Variants in CLEC2L observed in about 807,000 individuals in gnomAD.
CLEC2L encodes the protein C-type lectin domain family 2 member L.
A neutral mutation model predicts 23.6 loss-of-function variants in CLEC2L; 14 were observed. The observed-to-expected ratio is 0.59, with a 90% CI of 0.39 to 0.93. The LOEUF (loss-of-function observed/expected upper bound fraction) is 0.93. Among genes scored for constraint, CLEC2L ranks in the 40% least tolerant of loss-of-function variants. The pLI, the probability that CLEC2L is intolerant of heterozygous loss-of-function variation, is 0.00. For synonymous variants in CLEC2L, 114 were observed against 121.3 expected, an observed-to-expected ratio of 0.94 and a Z score of 0.40; for missense variants, 264 against 282.4, an observed-to-expected ratio of 0.93 and a Z score of 0.47.
intron 3 of CLEC2L, 143 bp from the exon 4 acceptor site, chr7:139,541,878 G>T: frequency 1.5e-6 from 1 of 652,790 alleles, no homozygotes; most frequent in Non-Finnish European, 2.7e-6. Context: ...CCTTACTTGC[G>T]GGATTCAGCG....
intron 1 of CLEC2L, among the ~76,000 whole-genome samples, chr7:139,531,909 CAAAAAA>C (rs11289572): frequency 7.6e-6 from 1 of 132,370 alleles, no homozygotes; most frequent in Non-Finnish European, 1.6e-5. Context: ...GACTCTGTCT[CAAAAAA>C]AAAAAGAAAA....
intron 3 of CLEC2L, among the ~76,000 whole-genome samples, 188 bp from the exon 4 acceptor site, chr7:139,541,833 G>T (rs1797739442): frequency 6.6e-6 from 1 of 152,212 alleles, no homozygotes; most frequent in South Asian, 2.1e-4. Flanking sequence ...GCCGAATTCT[G>T]GCAGCGTGAC....
At position 139,534,477 on chromosome 7, in the gene CLEC2L, C is replaced by A. The variant is rs548401953; in HGVS notation, c.191-1797C>A. The A allele has an allele frequency of 2.7e-5, 21 of 785,728 alleles. No homozygotes were observed. In the East Asian group the frequency reaches 4.6e-4, roughly 17 times the overall value. 48.7% of individuals were successfully genotyped at this position (785,728 alleles called of 1,614,324 possible). A position where few individuals can be genotyped will look rare whatever the true frequency, so the allele number is the denominator to read the frequency against. ...TTACCGAGCTGATACCCAGACATAC[C>A]AGCCTTATAAAAAAAGACTGGATTA... is the stretch of plus-strand genomic sequence containing the variant. On this transcript the variant is annotated intron_variant, in intron 1 of 4. Coordinates refer to ENST00000422142, the MANE Select transcript of CLEC2L (RefSeq NM_001080511.4).
intron 1 of CLEC2L, among the ~76,000 whole-genome samples, chr7:139,527,744 T>C (rs957606201): frequency 1.3e-5 from 2 of 152,198 alleles, no homozygotes; most frequent in African/African-American, 2.4e-5. Context: ...ATAGATTTTT[T>C]AGTGCTCACC....
chr7:139,536,443 A>C (rs1797658518), intron 2 of CLEC2L, 95 bp downstream of exon 2: 1 of 1,107,276 alleles, frequency 9.0e-7, no homozygotes, highest in Admixed American at 2.2e-5. Context: ...AGACATTCCA[A>C]GAATCCTGTG....
At chr7:139,525,108 C>T (rs879587096) in intron 1 of CLEC2L, among the ~76,000 whole-genome samples, 1 of 152,164 alleles carries the variant, frequency 6.6e-6, no homozygotes, top group Non-Finnish European at 1.5e-5. Flanking sequence ...AGAGACGGGC[C>T]TGAAGGACCC....
intron 2 of CLEC2L, among the ~76,000 whole-genome samples, chr7:139,536,556 G>A (rs1169790629): frequency 1.3e-5 from 2 of 152,152 alleles, no homozygotes; most frequent in Non-Finnish European, 2.9e-5. Context: ...ATCAAGCCAT[G>A]CAAGTAGAGT....
rs887157319 is a variant in CLEC2L, at chr7:139,540,200, C to G, written c.266-121C>G. 1 of 948,694 alleles carries G rather than the reference C, an allele frequency of 1.1e-6. No homozygotes were observed. The allele number at this position is 948,694 out of a possible 1,614,324, so 58.8% of individuals were successfully genotyped here. On this transcript the variant is annotated intron_variant, in intron 2 of 4. Transcript: ENST00000422142. This position sits in a 1 kb window ranked among gnomAD's most constrained non-coding sequence, Gnocchi z 5.8. ...TTTACCTCCAGGCACCAGGAGAGGACAGCCACATCTGCAGTGTCCCTGCAG... is the reference window on the plus strand; with the variant it reads ...TTTACCTCCAGGCACCAGGAGAGGAGAGCCACATCTGCAGTGTCCCTGCAG...
chr7:139,530,029 A>AG, intron 1 of CLEC2L, among the ~76,000 whole-genome samples: 1 of 151,744 alleles, frequency 6.6e-6, no homozygotes, highest in East Asian at 1.9e-4. Context: ...AAAAAAAAAA[A>AG]CAAAATTAGC....
intron 1 of CLEC2L, among the ~76,000 whole-genome samples, chr7:139,529,736 T>A (rs537286328): frequency 1.3e-5 from 2 of 152,202 alleles, no homozygotes; most frequent in Non-Finnish European, 2.9e-5. Context: ...ACTGAACACA[T>A]GCATTTTTTC....
At position 139,544,504 on chromosome 7, in the gene CLEC2L, C is replaced by T; in HGVS notation, c.*162C>T. ...TCTCCCAGGCCCTGGCGCTCTGAGT[C>T]CCTGGTTCCTGGCCTCCTTTGTCTG... On this transcript the variant is annotated 3_prime_UTR_variant, in exon 5 of 5. Coordinates refer to ENST00000422142, the MANE Select transcript of CLEC2L (RefSeq NM_001080511.4). 2 of 601,678 alleles carry T rather than the reference C, an allele frequency of 3.3e-6. No homozygotes were observed. Among genetic ancestry groups the T allele is most frequent in the East Asian group, 5.5e-5 (2 of 36,266 alleles). The allele number at this position is 601,678 out of a possible 1,614,324, so 37.3% of individuals were successfully genotyped here.
intron 1 of CLEC2L, among the ~76,000 whole-genome samples, chr7:139,533,879 A>G (rs757673304): frequency 6.6e-6 from 1 of 152,226 alleles, no homozygotes; most frequent in African/African-American, 2.4e-5. Flanking sequence ...GTTTACAGAC[A>G]AACATTGAGC....
chr7:139,528,520 G>T (rs979308806), intron 1 of CLEC2L, among the ~76,000 whole-genome samples: 18 of 152,170 alleles, frequency 1.2e-4, no homozygotes, highest in African/African-American at 4.1e-4. Flanking sequence ...CAGAGGAACT[G>T]CCCTTTATAA....
At chr7:139,534,541 C>G in intron 1 of CLEC2L, 1 of 764,200 alleles carries the variant, frequency 1.3e-6, no homozygotes. Context: ...GCAGGCTCAA[C>G]AGGCTGATAA....
chr7:139,542,485 G>A (rs1240133824), intron 4 of CLEC2L, among the ~76,000 whole-genome samples: 1 of 152,186 alleles, frequency 6.6e-6, no homozygotes, highest in African/African-American at 2.4e-5. Flanking sequence ...TGGGAGGGAG[G>A]GCCCTGGATG....
rs1797705486 is a variant in CLEC2L, at chr7:139,539,549, T to A, written c.266-772T>A. 6.6e-6 allele frequency: 1 copy of A among 152,224 alleles called. No individual in the cohort carries two copies. The highest frequency in any genetic ancestry group is 2.1e-4 in the South Asian group (1 of 4,826). The allele number at this position is 152,224 out of a possible 1,614,324, so 9.4% of individuals were successfully genotyped here. On this transcript the variant is annotated intron_variant, in intron 2 of 4. Transcript: ENST00000422142. This position sits in a 1 kb window ranked among gnomAD's most constrained non-coding sequence, Gnocchi z 4.1. ...CCATGACGACTGGAAGACAGCATGG[T>A]GGTCACTGTTGCTGCTGGTAGAGCC... is the stretch of plus-strand genomic sequence containing the variant.
At chr7:139,542,919 G>T (rs1380367989) in intron 4 of CLEC2L, among the ~76,000 whole-genome samples, 1 of 152,174 alleles carries the variant, frequency 6.6e-6, no homozygotes, top group Non-Finnish European at 1.5e-5. Context: ...AGTGGGACCC[G>T]CAGAACAGAC....
At chr7:139,524,344 C>G (rs981276709) in intron 1 of CLEC2L, among the ~76,000 whole-genome samples, 1 of 152,228 alleles carries the variant, frequency 6.6e-6, no homozygotes, top group South Asian at 2.1e-4. Context: ...TCGACCCCGC[C>G]TCTGCTGCGA....
At position 139,540,193 on chromosome 7, in the gene CLEC2L, G is replaced by A. The variant is rs1047499256; in HGVS notation, c.266-128G>A. ...CCACCCTTTTACCTCCAGGCACCAGGAGAGGACAGCCACATCTGCAGTGTC... is the reference window on the plus strand; with the variant it reads ...CCACCCTTTTACCTCCAGGCACCAGAAGAGGACAGCCACATCTGCAGTGTC... On this transcript the variant is annotated intron_variant, in intron 2 of 4. Transcript: ENST00000422142. The surrounding 1 kb of genome is among the most constrained non-coding windows in gnomAD (Gnocchi z 5.8). 17 of 880,896 alleles carry A rather than the reference G, an allele frequency of 1.9e-5. No individual in the cohort carries two copies. The African/African-American group carries it at 2.5e-4, about 13-fold the overall frequency. The allele number at this position is 880,896 out of a possible 1,614,324, so 54.6% of individuals were successfully genotyped here.
Sources: gnomAD v4.1 joint callset for allele counts (sites outside exome capture counted in the v4.1 genomes callset) on GRCh38, gnomAD v4.1.1 for gene constraint, Gnocchi (gnomAD v3.1) non-coding constraint, MANE v1.5 for transcripts, NCBI Gene and HGNC (gene_info 2026-07-23, HGNC 2026-07-21) for gene names.